Variants in KDM2B observed in about 807,000 individuals in gnomAD.
The protein encoded by KDM2B is lysine-specific demethylase 2B.
In KDM2B, 26 loss-of-function variants were observed where a neutral mutation model predicts 150.0. That is an observed-to-expected ratio of 0.17 (90% confidence interval 0.13 to 0.24). The LOEUF is 0.24. Ranked by LOEUF, KDM2B falls within the 10% of genes least tolerant of loss-of-function variation. The pLI, the probability that KDM2B is intolerant of heterozygous loss-of-function variation, is 1.00. For synonymous variants in KDM2B, 734 were observed against 729.5 expected, an observed-to-expected ratio of 1.01 and a Z score of -0.10; for missense variants, 1,265 against 1,816.9, an observed-to-expected ratio of 0.70 and a Z score of 5.52.
At chr12:121,579,431 G>T (rs1891766898) in intron 1 of KDM2B, among the ~76,000 whole-genome samples, 2 of 152,134 alleles carry the variant, frequency 1.3e-5, no homozygotes, top group African/African-American at 4.8e-5. Context: ...TCTAAAGCTG[G>T]AGCCGCCCCC....
chr12:121,462,871 G>A (rs1333526698), intron 12 of KDM2B, among the ~76,000 whole-genome samples: 1 of 152,168 alleles, frequency 6.6e-6, no homozygotes, highest in Admixed American at 6.5e-5. Flanking sequence ...GGGAGGCTGA[G>A]GCAGCAGATC....
chr12:121,431,702 A>G (rs998502928), intron 22 of KDM2B, among the ~76,000 whole-genome samples: 1 of 152,100 alleles, frequency 6.6e-6, no homozygotes, highest in Non-Finnish European at 1.5e-5. Flanking sequence ...CCTCCACATC[A>G]GCACAGAATC....
chr12:121,502,276 C>T (rs149472596), intron 11 of KDM2B, among the ~76,000 whole-genome samples: 8 of 152,242 alleles, frequency 5.3e-5, no homozygotes, highest in East Asian at 1.9e-4. Flanking sequence ...CAAGAGCATT[C>T]GGCTGGTTTA....
At chr12:121,536,981 A>G (rs1460465391) in intron 6 of KDM2B, among the ~76,000 whole-genome samples, 2 of 152,182 alleles carry the variant, frequency 1.3e-5, no homozygotes, top group East Asian at 3.9e-4. Flanking sequence ...GTGCAGGGAA[A>G]GTTCTCCAAG....
At chr12:121,495,175 T>C (rs1883794899) in intron 11 of KDM2B, among the ~76,000 whole-genome samples, 3 of 151,948 alleles carry the variant, frequency 2.0e-5, no homozygotes, top group African/African-American at 7.3e-5. Flanking sequence ...TTTTTTTTTT[T>C]TTTTTAGACA....
At chr12:121,420,906 T>G in the KDM2B span, 8 of 683,508 alleles carry the variant, frequency 1.2e-5, no homozygotes, top group Non-Finnish European at 1.8e-5. Flanking sequence ...TGAGTATCAG[T>G]TAGTTACATG....
At chr12:121,579,943 C>CAAAAAA in intron 1 of KDM2B, 2 of 1,107,258 alleles carry the variant, frequency 1.8e-6, no homozygotes, top group Non-Finnish European at 2.3e-6. Flanking sequence ...GAGAAACAAC[C>CAAAAAA]AAAAAAAAAA....
chr12:121,505,711 C>G (rs1247667333), intron 11 of KDM2B, among the ~76,000 whole-genome samples: 1 of 152,088 alleles, frequency 6.6e-6, no homozygotes, highest in Non-Finnish European at 1.5e-5. Context: ...GGGAGAGAGC[C>G]CATCTTTCTG....
At chr12:121,449,179 G>A (rs1876798405) in intron 13 of KDM2B, among the ~76,000 whole-genome samples, 1 of 151,752 alleles carries the variant, frequency 6.6e-6, no homozygotes, top group African/African-American at 2.4e-5. Flanking sequence ...TGCAGGGGCT[G>A]GCAGGGGGCT....
chr12:121,557,595 G>T (rs539995033), intron 4 of KDM2B, among the ~76,000 whole-genome samples: 1 of 152,080 alleles, frequency 6.6e-6, no homozygotes. Flanking sequence ...ACGTGAAGAC[G>T]GAGGCAGAGA....
chr12:121,558,455 CTTTTTTTTTT>C (rs62698361), intron 4 of KDM2B, among the ~76,000 whole-genome samples: 1 of 135,528 alleles, frequency 7.4e-6, no homozygotes, highest in South Asian at 2.3e-4. Context: ...TTTTCTTTTT[CTTTTTTTTTT>C]TTTTTTGAGA....
chr12:121,521,128 G>A lies in KDM2B; in HGVS notation c.932-28C>T, dbSNP rs782552908. The A allele has an allele frequency of 8.4e-5, 128 of 1,529,270 alleles. No homozygotes were observed. Among genetic ancestry groups the A allele is most frequent in the Non-Finnish European group, 1.0e-4 (114 of 1,103,852 alleles). 94.7% of individuals were successfully genotyped at this position (1,529,270 alleles called of 1,614,324 possible). Reference sequence around the variant, plus strand: ...GGGGTGGGAAGGGCAAGGAGAGGATGAGCCGCTGGCCCCTGTGGGCTCCCA... The same window carrying A: ...GGGGTGGGAAGGGCAAGGAGAGGATAAGCCGCTGGCCCCTGTGGGCTCCCA... On this transcript the variant is annotated intron_variant, in intron 8 of 22. Coordinates refer to ENST00000377071, the MANE Select transcript of KDM2B (RefSeq NM_032590.5). This position sits in a 1 kb window ranked among gnomAD's most constrained non-coding sequence, Gnocchi z 4.9.
intron 9 of KDM2B, chr12:121,516,777 G>T: frequency 3.0e-6 from 2 of 661,646 alleles, no homozygotes; most frequent in South Asian, 1.7e-5. Context: ...AAGGTTTCTC[G>T]AGTGTATCTA....
intron 19 of KDM2B, among the ~76,000 whole-genome samples, chr12:121,441,499 CA>C (rs1486244498): frequency 6.6e-6 from 1 of 152,180 alleles, no homozygotes; most frequent in African/African-American, 2.4e-5. Context: ...TGTAGTGGTG[CA>C]ATCTCTGCTC....
chr12:121,522,105 CAAAAAGAAAA>C lies in KDM2B; in HGVS notation c.932-1015_932-1006del, dbSNP rs1886740316. Among the ~76,000 whole-genome samples the C allele has an allele frequency of 2.7e-5, 4 of 149,710 alleles. No individual in the cohort carries two copies. The South Asian group carries it at 8.4e-4, about 32-fold the overall frequency. ...GCCTGGGTAACAGAGATAACCATCT[CAAAAAGAAAA>C]AAAAAGAAGAAACGATAATAGAGGG... is the stretch of plus-strand genomic sequence containing the variant. On this transcript the variant is annotated intron_variant, in intron 8 of 22. Coordinates refer to ENST00000377071, the MANE Select transcript of KDM2B (RefSeq NM_032590.5).
At chr12:121,449,674 T>C (rs1555291131) in intron 13 of KDM2B, among the ~76,000 whole-genome samples, 3 of 152,178 alleles carry the variant, frequency 2.0e-5, no homozygotes, top group Non-Finnish European at 4.4e-5. Context: ...GTGACACCGT[T>C]CTAAAAACCA....
In KDM2B at chr12:121,442,507, C is replaced by A. The variant is rs1555288714; in HGVS notation, c.2934G>T (p.Glu978Asp). 2 of 1,599,626 alleles carry A rather than the reference C, an allele frequency of 1.3e-6. No individual in the cohort carries two copies. Among genetic ancestry groups the A allele is most frequent in the Admixed American group, 1.7e-5 (1 of 60,008 alleles). The change falls in exon 19 of 23, where the codon GAG becomes GAT. Residue 978 changes from glutamate (E) to aspartate (D), a missense_variant. Glu to Asp is a conservative substitution (Grantham distance 45). Around this residue, in one of 11 missense-constraint regions of KDM2B, gnomAD observed 418 missense variants for 402.4 expected, o/e 1.04. Coordinates refer to ENST00000377071, the MANE Select transcript of KDM2B (RefSeq NM_032590.5). This position sits in a 1 kb window ranked among gnomAD's most constrained non-coding sequence, Gnocchi z 7.7. ...GCCGCTTGGGCTCCTCGCCCTCGCTCTCAGGCTCCGACTTGATGGGCTGCT... is the reference window on the plus strand; with the variant it reads ...GCCGCTTGGGCTCCTCGCCCTCGCTATCAGGCTCCGACTTGATGGGCTGCT... ...ENQQPIKSEPESEGEEPKRPP... is the reference protein window; with the variant it reads ...ENQQPIKSEPDSEGEEPKRPP...
chr12:121,464,209 C>T (rs1433271215), intron 12 of KDM2B, among the ~76,000 whole-genome samples: 2 of 152,176 alleles, frequency 1.3e-5, no homozygotes, highest in African/African-American at 4.8e-5. Context: ...CTCCAGCCTG[C>T]GTGACAGAGC....
chr12:121,516,440 A>C (rs2141069618), intron 9 of KDM2B: 1 of 1,291,352 alleles, frequency 7.7e-7, no homozygotes, highest in East Asian at 5.2e-5. Context: ...GGACTGCGGG[A>C]AACAAAAATT....
Sources: gnomAD v4.1 joint callset for allele counts (sites outside exome capture counted in the v4.1 genomes callset) on GRCh38, gnomAD v4.1.1 for gene constraint, gnomAD v4.1.1 regional missense constraint, Gnocchi (gnomAD v3.1) non-coding constraint, MANE v1.5 for transcripts, NCBI Gene and HGNC (gene_info 2026-07-23, HGNC 2026-07-21) for gene names.